GRXCR2: variants seen among roughly 807,000 people sequenced by gnomAD.
GRXCR2 encodes glutaredoxin domain-containing cysteine-rich protein 2.
In GRXCR2, 23 loss-of-function variants were observed where a neutral mutation model predicts 24.8. The observed-to-expected ratio is 0.93, with a 90% CI of 0.67 to 1.32. The LOEUF (loss-of-function observed/expected upper bound fraction) is 1.32. Ranked by LOEUF, GRXCR2 falls within the 40% of genes most tolerant of loss-of-function variation. GRXCR2 has a pLI of 0.00. For synonymous variants in GRXCR2, 130 were observed against 116.1 expected, an observed-to-expected ratio of 1.12 and a Z score of -0.77; for missense variants, 315 against 303.4, an observed-to-expected ratio of 1.04 and a Z score of -0.28.
At chr5:145,858,457 C>T (rs761007957), downstream of GRXCR2, 3 of 151,992 alleles carry the variant, frequency 2.0e-5, no homozygotes, top group African/African-American at 4.8e-5. Context: ...GCAAAGAAAG[C>T]TGGTGAGCAA....
At chr5:145,873,055 C>A (rs1339779501), upstream of GRXCR2, 1 of 1,012,906 alleles carries the variant, frequency 9.9e-7, no homozygotes, top group Non-Finnish European at 1.5e-6. Context: ...TATTTTCTCT[C>A]CTCCTGCATA....
intron 2 of GRXCR2, among the ~76,000 whole-genome samples, chr5:145,899,947 C>T (rs445710): frequency 6.6e-6 from 1 of 151,962 alleles, no homozygotes; most frequent in African/African-American, 2.4e-5. Context: ...AGCCAAAGAA[C>T]CTATCAATAG....
chr5:145,877,656 C>CATGTGATTTCTGCATTTCAA (rs1756638586), upstream of GRXCR2, among the ~76,000 whole-genome samples: 1 of 152,206 alleles, frequency 6.6e-6, no homozygotes, highest in African/African-American at 2.4e-5. Context: ...ACGCAGAAGA[C>CATGTGATTTCTGCATTTCAA]ATGTGATTTC....
At chr5:145,862,986 T>C (rs1226064546) in intron 2 of GRXCR2, among the ~76,000 whole-genome samples, 1 of 152,228 alleles carries the variant, frequency 6.6e-6, no homozygotes, top group East Asian at 1.9e-4. Context: ...ATTGCTATTA[T>C]TTCAAAGTGA....
intron 2 of GRXCR2, among the ~76,000 whole-genome samples, chr5:145,912,371 C>G (rs1757177829): frequency 6.6e-6 from 1 of 151,994 alleles, no homozygotes. Flanking sequence ...GGAAGGCTTC[C>G]TGGATGAAAT....
At chr5:145,881,592 C>A (rs1169334239) in intron 2 of GRXCR2, among the ~76,000 whole-genome samples, 5 of 152,184 alleles carry the variant, frequency 3.3e-5, no homozygotes, top group Non-Finnish European at 5.9e-5. Flanking sequence ...GTGAAAATGG[C>A]CATGCTGTCC....
intron 1 of GRXCR2, 92 bp downstream of exon 1, chr5:145,872,541 G>T: frequency 9.2e-7 from 1 of 1,082,576 alleles, no homozygotes; most frequent in Non-Finnish European, 1.3e-6. Context: ...CGGAGGGGGA[G>T]CAAGACACAA....
chr5:145,928,958 T>A (rs562620827), intron 2 of GRXCR2, among the ~76,000 whole-genome samples: 1 of 151,738 alleles, frequency 6.6e-6, no homozygotes, highest in Non-Finnish European at 1.5e-5. Context: ...ATTACAAACA[T>A]ACATGAGCAA....
In GRXCR2 at chr5:145,859,922, G is replaced by A. The variant is rs1196579756; in HGVS notation, c.565-7C>T. 1.3e-6 allele frequency: 2 copies of A among 1,560,750 alleles called. No homozygotes were observed. Among genetic ancestry groups the A allele is most frequent in the Middle Eastern group, 1.8e-4 (1 of 5,534 alleles). On this transcript the variant is annotated splice_polypyrimidine_tract_variant and splice_region_variant and intron_variant, in intron 2 of 2. Transcript: ENST00000377976. Reference sequence around the variant, plus strand: ...CCTCGGGAATATCCCCTTCCTGCAAGAGACAGGTTAGGGTTTAGTTAAAGC... The same window carrying A: ...CCTCGGGAATATCCCCTTCCTGCAAAAGACAGGTTAGGGTTTAGTTAAAGC...
intron 2 of GRXCR2, among the ~76,000 whole-genome samples, chr5:145,894,103 A>G (rs1472136666): frequency 2.0e-5 from 3 of 152,230 alleles, no homozygotes; most frequent in Non-Finnish European, 2.9e-5. Flanking sequence ...AAGACACAAC[A>G]TACCAGAATC....
chr5:145,872,927 G>GC lies in GRXCR2; in HGVS notation c.41dup (p.Lys15GlnfsTer8), dbSNP rs1286283550. 1 of 1,614,054 alleles carries GC rather than the reference G, an allele frequency of 6.2e-7. No homozygotes were observed. Among genetic ancestry groups the GC allele is most frequent in the African/African-American group, 1.3e-5 (1 of 74,926 alleles). ...TTTTAAATCGTACTTTCCGGGGTTT[G>GC]CCATCACTCTTCTGATTCAGCTTTT... On this transcript the variant is annotated frameshift_variant, in exon 1 of 3. Transcript: ENST00000377976. LOFTEE classifies it high-confidence loss of function.
At chr5:145,875,891 T>A (rs1756605071), upstream of GRXCR2, among the ~76,000 whole-genome samples, 1 of 152,090 alleles carries the variant, frequency 6.6e-6, no homozygotes, top group Admixed American at 6.5e-5. Context: ...AAGCTGGGCA[T>A]GGTGGCCCAC....
chr5:145,868,511 T>G (rs1158290587), intron 1 of GRXCR2, among the ~76,000 whole-genome samples: 2 of 152,190 alleles, frequency 1.3e-5, no homozygotes, highest in Non-Finnish European at 2.9e-5. Context: ...CATTTCCTAT[T>G]GTTTTATGCA....
intron 2 of GRXCR2, among the ~76,000 whole-genome samples, chr5:145,878,710 C>T (rs182586723): frequency 2.0e-5 from 3 of 152,290 alleles, no homozygotes; most frequent in African/African-American, 7.2e-5. Flanking sequence ...CACAAAGATA[C>T]TCCTCGAGAA....
chr5:145,911,958 A>G (rs1757172987), intron 2 of GRXCR2, among the ~76,000 whole-genome samples: 1 of 152,180 alleles, frequency 6.6e-6, no homozygotes, highest in Non-Finnish European at 1.5e-5. Context: ...TTAGCCCAGT[A>G]TGGTGGCACA....
At chr5:145,905,808 A>G (rs1757083849) in intron 2 of GRXCR2, among the ~76,000 whole-genome samples, 1 of 152,210 alleles carries the variant, frequency 6.6e-6, no homozygotes. Context: ...TGGGAGGCAT[A>G]TAGTAAGTGC....
chr5:145,872,049 A>T (rs1294743054), intron 1 of GRXCR2, among the ~76,000 whole-genome samples: 1 of 152,150 alleles, frequency 6.6e-6, no homozygotes, highest in Non-Finnish European at 1.5e-5. Context: ...ATTAGCTCAA[A>T]CTTCTTCCTC....
chr5:145,898,034 T>C (rs1361938389), intron 2 of GRXCR2, among the ~76,000 whole-genome samples: 1 of 151,972 alleles, frequency 6.6e-6, no homozygotes, highest in East Asian at 1.9e-4. Context: ...AGTTTGCTTT[T>C]TGAAAGGATA....
At chr5:145,883,734 A>C (rs1756738146) in intron 2 of GRXCR2, among the ~76,000 whole-genome samples, 1 of 152,128 alleles carries the variant, frequency 6.6e-6, no homozygotes, top group Admixed American at 6.5e-5. Context: ...CTCTATGCAA[A>C]ATATAAAAAT....
Sources: gnomAD v4.1 joint callset for allele counts (sites outside exome capture counted in the v4.1 genomes callset) on GRCh38, gnomAD v4.1.1 for gene constraint, MANE v1.5 for transcripts, NCBI Gene and HGNC (gene_info 2026-07-23, HGNC 2026-07-21) for gene names.